The following SPEG variants were observed in gnomAD, a reference collection of about 807,000 sequenced individuals.
SPEG encodes striated muscle preferentially expressed protein kinase.
Under a neutral mutation model 300.4 loss-of-function variants are expected in SPEG, and 114 were observed. The ratio of observed to expected loss-of-function variants is 0.38; its 90% CI spans 0.33 to 0.44. The LOEUF (loss-of-function observed/expected upper bound fraction) is 0.44. Ranked by LOEUF, SPEG falls within the 20% of genes least tolerant of loss-of-function variation. The pLI is 1.00. For missense variants in SPEG, 4,201 were observed against 4,586.2 expected (o/e 0.92, Z 2.43); for synonymous variants, 1,964 against 2,018.9 (o/e 0.97, Z 0.73).
intron 13 of SPEG, among the ~76,000 whole-genome samples, chr2:219,470,533 G>A (rs1276047372): frequency 7.2e-5 from 11 of 152,208 alleles, no homozygotes; most frequent in Admixed American, 7.2e-4. Flanking sequence ...GGGGTCACTG[G>A]CAGCCCTTGG....
chr2:219,485,554 T>C (rs1693332487), intron 31 of SPEG, 77 bp downstream of exon 31: 1 of 1,441,172 alleles, frequency 6.9e-7, no homozygotes, highest in Non-Finnish European at 9.2e-7. Flanking sequence ...CAGTCATGGC[T>C]GGTGAGAGGT....
chr2:219,486,802 CCT>C (rs200963101), intron 31 of SPEG, among the ~76,000 whole-genome samples: 2,367 of 150,932 alleles, frequency 0.016, 32 homozygotes, highest in African/African-American at 0.041. Context: ...AGAGAGGTGG[CCT>C]CTCTCTCTCT....
chr2:219,438,231 A>G (rs1280755280), intron 1 of SPEG, among the ~76,000 whole-genome samples: 1 of 152,182 alleles, frequency 6.6e-6, no homozygotes, highest in Non-Finnish European at 1.5e-5. Flanking sequence ...AATCCTTAAC[A>G]TGCGTAAGTA....
rs1318131799 is a variant in SPEG, at chr2:219,489,220, A to C, written c.8316A>C (p.Gln2772His). The C allele has an allele frequency of 1.2e-6, 2 of 1,613,772 alleles. No individual in the cohort carries two copies. Among genetic ancestry groups the C allele is most frequent in the South Asian group, 2.2e-5 (2 of 91,066 alleles). ...SSEKVFVRGTQDSSAVPSAAH... is the reference protein window; with the variant it reads ...SSEKVFVRGTHDSSAVPSAAH... ...AGAAGGTCTTTGTCAGGGGTACTCA[A>C]GGTCAGTGCAATGGTATGGGGTGGG... The change falls in exon 35 of 41, where the codon CAA (glutamine) becomes CAC (histidine). Residue 2772 changes from glutamine to histidine, a missense_variant and splice_region_variant. By Grantham distance (24) the Gln-to-His change is conservative. Coordinates refer to ENST00000312358, the MANE Select transcript of SPEG (RefSeq NM_005876.5).
At chr2:219,457,106 C>T (rs111566838) in intron 6 of SPEG, among the ~76,000 whole-genome samples, 1,906 of 152,280 alleles carry the variant, frequency 0.013, 39 homozygotes, top group African/African-American at 0.043. Context: ...CCTGGCCAGC[C>T]GTGTCCTCCC....
Position 219,480,517 on chromosome 2 carries a change from A to G in SPEG, c.5343-154A>G, listed in dbSNP as rs1692739219. On this transcript the variant is annotated intron_variant, in intron 25 of 40. Coordinates refer to ENST00000312358, the MANE Select transcript of SPEG (RefSeq NM_005876.5). The surrounding 1 kb of genome is among the most constrained non-coding windows in gnomAD (Gnocchi z 5.3). Reference sequence around the variant, plus strand: ...CAGGCATATCTGGACCTGTAGGTTCAGGGTCCTCCCTGAAGAAGCCACTCC... The same window carrying G: ...CAGGCATATCTGGACCTGTAGGTTCGGGGTCCTCCCTGAAGAAGCCACTCC... 1.3e-5 allele frequency among the ~76,000 whole-genome samples: 2 copies of G among 152,110 alleles called. No homozygotes were observed. Among genetic ancestry groups the G allele is most frequent in the South Asian group, 2.1e-4 (1 of 4,832 alleles).
In SPEG at chr2:219,479,272, A is replaced by C; in HGVS notation, c.5085+71A>C. 1 of 1,346,296 alleles carries C rather than the reference A, an allele frequency of 7.4e-7. No individual in the cohort carries two copies. The highest frequency in any genetic ancestry group is 1.1e-6 in the Non-Finnish European group (1 of 947,284). The allele number at this position is 1,346,296 out of a possible 1,614,324, so 83.4% of individuals were successfully genotyped here. Reference sequence around the variant, plus strand: ...CCCACCTGAGCTTTGAGAACCAACAAATGGGTCCTGAGTGTGCCATCTGTG... The same window carrying C: ...CCCACCTGAGCTTTGAGAACCAACACATGGGTCCTGAGTGTGCCATCTGTG... On this transcript the variant is annotated intron_variant, in intron 23 of 40. Coordinates refer to ENST00000312358, the MANE Select transcript of SPEG (RefSeq NM_005876.5). This position sits in a 1 kb window ranked among gnomAD's most constrained non-coding sequence, Gnocchi z 5.5.
chr2:219,479,872 A>T lies in SPEG; in HGVS notation c.5163+12A>T. The T allele has an allele frequency of 6.2e-7, 1 of 1,613,900 alleles. No individual in the cohort carries two copies. The highest frequency in any genetic ancestry group is 8.5e-7 in the Non-Finnish European group (1 of 1,179,862). On this transcript the variant is annotated intron_variant, in intron 24 of 40. Transcript: ENST00000312358. The surrounding 1 kb of genome is among the most constrained non-coding windows in gnomAD (Gnocchi z 5.5). ...ACCTCGATGTCAAGGTGAGGTGGGG[A>T]CTGGAGAGCAGACAGCCCCTGTGGG...
At position 219,445,129 on chromosome 2, in the gene SPEG, C is replaced by A; in HGVS notation, c.783C>A (p.Ser261Arg). 1 of 1,588,878 alleles carries A rather than the reference C, an allele frequency of 6.3e-7. No homozygotes were observed. Among genetic ancestry groups the A allele is most frequent in the Non-Finnish European group, 8.6e-7 (1 of 1,168,394 alleles). Residue 261 changes from serine (S) to arginine (R), a missense_variant, in exon 3 of 41, where the codon AGC becomes AGA. This residue lies in a region of SPEG where 1,258 missense variants were observed against 1,293.9 expected (regional missense o/e 0.97). Coordinates refer to ENST00000312358, the MANE Select transcript of SPEG (RefSeq NM_005876.5). This position sits in a 1 kb window ranked among gnomAD's most constrained non-coding sequence, Gnocchi z 6.1. ...VASDLYGSAF[S>R]LYRGRALSIH... Reference sequence around the variant, plus strand: ...GTGACCTGTACGGCAGCGCATTCAGCCTGTACAGAGGACGGGCGCTCTCTA... The same window carrying A: ...GTGACCTGTACGGCAGCGCATTCAGACTGTACAGAGGACGGGCGCTCTCTA...
At position 219,444,788 on chromosome 2, in the gene SPEG, A is replaced by G; in HGVS notation, c.479-37A>G. 6.2e-7 allele frequency: 1 copy of G among 1,611,726 alleles called. No individual in the cohort carries two copies. The highest frequency in any genetic ancestry group is 2.2e-5 in the East Asian group (1 of 44,806). The stretch of plus-strand genomic sequence containing the variant: ...AAGAGCAGGCAGGCGGGTTTTCCAT[A>G]AGGGGTGCCTCAGTCTCACGGTGCT... On this transcript the variant is annotated intron_variant, in intron 2 of 40. Coordinates refer to ENST00000312358, the MANE Select transcript of SPEG (RefSeq NM_005876.5). The surrounding 1 kb of genome is among the most constrained non-coding windows in gnomAD (Gnocchi z 7.8).
At position 219,445,024 on chromosome 2, in the gene SPEG, G is replaced by T; in HGVS notation, c.678G>T (p.Gly226=). The T allele has an allele frequency of 6.2e-7, 1 of 1,609,782 alleles. No homozygotes were observed. The change falls in exon 3 of 41, where the codon GGG becomes GGT. Residue 226 remains glycine, a synonymous_variant. Transcript: ENST00000312358. This position sits in a 1 kb window ranked among gnomAD's most constrained non-coding sequence, Gnocchi z 6.1. The part of the protein sequence containing the change: ...QATGAGPRHL[G]VEPLVRASRA... ...CCGGGGCCGGGCCACGGCACCTGGG[G>T]GTGGAGCCGCTGGTGCGGGCATCTC... is the stretch of plus-strand genomic sequence containing the variant.
intron 10 of SPEG, 29 bp downstream of exon 10, chr2:219,467,463 C>T (rs554802920): frequency 1.1e-5 from 17 of 1,577,314 alleles, no homozygotes; most frequent in South Asian, 4.5e-5. Flanking sequence ...ATTGGGCTGC[C>T]GTGGGTGCCC....
chr2:219,481,788 T>C lies in SPEG; in HGVS notation c.5565+108T>C. The C allele has an allele frequency of 1.1e-6, 1 of 947,686 alleles. No homozygotes were observed. Among genetic ancestry groups the C allele is most frequent in the Non-Finnish European group, 1.7e-6 (1 of 583,744 alleles). 58.7% of individuals were successfully genotyped at this position (947,686 alleles called of 1,614,324 possible). On this transcript the variant is annotated intron_variant, in intron 28 of 40. Transcript: ENST00000312358. This position sits in a 1 kb window ranked among gnomAD's most constrained non-coding sequence, Gnocchi z 5.4. The stretch of plus-strand genomic sequence containing the variant: ...TGTGTGCAGTAACCACGTTAGGCAT[T>C]GTATGTACATATGACGTATTAGCCT...
chr2:219,488,689 G>T (rs775115952), intron 33 of SPEG, 24 bp downstream of exon 33: 18 of 1,604,122 alleles, frequency 1.1e-5, no homozygotes, highest in East Asian at 2.2e-5. Context: ...AGGGCCCCAG[G>T]GGGGTAGTGA....
rs139485446 is a variant in SPEG at position 219,482,447 on chromosome 2, C to T, written c.5566-337C>T. 1.4e-3 allele frequency: 371 copies of T among 267,834 alleles called. 1 individual carries two copies. Among genetic ancestry groups the T allele is most frequent in the African/African-American group, 7.1e-3 (332 of 46,738 alleles). 16.6% of individuals were successfully genotyped at this position (267,834 alleles called of 1,614,324 possible). ...AGAGGGGAGCTGGGGAGCCAGGACC[C>T]GGGTAAAGGGCCTAAGATCACAGGC... On this transcript the variant is annotated intron_variant, in intron 28 of 40. Coordinates refer to ENST00000312358, the MANE Select transcript of SPEG (RefSeq NM_005876.5).
rs750381973 is a variant in SPEG, at chr2:219,489,799, G to A, written c.8781G>A (p.Val2927=). Residue 2927 remains valine, a synonymous_variant, in exon 36 of 41, where the codon GTG becomes GTA. Coordinates refer to ENST00000312358, the MANE Select transcript of SPEG (RefSeq NM_005876.5). ...APEPPPEPTK[V]TVQSLSPAKE... ...AGCCCCCTCCTGAGCCTACCAAGGT[G>A]ACTGTGCAGAGCCTCAGCCCGGCCA... 1.2e-5 allele frequency: 19 copies of A among 1,613,672 alleles called. No homozygotes were observed. The Middle Eastern group carries it at 5.0e-4, about 42-fold the overall frequency.
Position 219,481,424 on chromosome 2 carries a change from CT to C in SPEG, c.5492del (p.Phe1831SerfsTer11). ...FLSLSREARG[F>X]LIKVLVQDRL... ...TGAGCCTGAGCAGGGAGGCCCGGGG[CT>C]TCCTCATCAAAGTGTTGGTGCAGGA... On this transcript the variant is annotated frameshift_variant, in exon 27 of 41. Coordinates refer to ENST00000312358, the MANE Select transcript of SPEG (RefSeq NM_005876.5). LOFTEE classifies it high-confidence loss of function. The surrounding 1 kb of genome is among the most constrained non-coding windows in gnomAD (Gnocchi z 5.4). The C allele has an allele frequency of 6.2e-7, 1 of 1,614,180 alleles. No individual in the cohort carries two copies. Among genetic ancestry groups the C allele is most frequent in the Non-Finnish European group, 8.5e-7 (1 of 1,180,020 alleles).
chr2:219,453,719 G>A (rs1285682955), intron 6 of SPEG, among the ~76,000 whole-genome samples: 3 of 152,254 alleles, frequency 2.0e-5, no homozygotes, highest in Admixed American at 1.3e-4. Context: ...GCTGGCTCGG[G>A]GGCCCCAGGG....
At position 219,483,814 on chromosome 2, in the gene SPEG, GC is replaced by G; in HGVS notation, c.6356del (p.Pro2119HisfsTer120). On this transcript the variant is annotated frameshift_variant, in exon 30 of 41. Coordinates refer to ENST00000312358, the MANE Select transcript of SPEG (RefSeq NM_005876.5). LOFTEE classifies it high-confidence loss of function. The part of the protein sequence containing the change: ...ASSEAAPHHQ[P>X]PLENRGLQKS... ...CCAGCGAGGCAGCGCCCCACCACCA[GC>G]CCCCACTCGAGAACCGGGGCCTGCA... The G allele has an allele frequency of 6.3e-7, 1 of 1,577,456 alleles. No homozygotes were observed. The highest frequency in any genetic ancestry group is 8.6e-7 in the Non-Finnish European group (1 of 1,168,670).
Sources: gnomAD v4.1 joint callset for allele counts (sites outside exome capture counted in the v4.1 genomes callset) on GRCh38, gnomAD v4.1.1 for gene constraint, gnomAD v4.1.1 regional missense constraint, Gnocchi (gnomAD v3.1) non-coding constraint, MANE v1.5 for transcripts, NCBI Gene and HGNC (gene_info 2026-07-23, HGNC 2026-07-21) for gene names.